The following ERC2 variants were observed in gnomAD, a reference collection of about 807,000 sequenced individuals.
ERC2 encodes the protein ELKS/RAB6-interacting/CAST family member 2, also known as ERC protein 2.
In ERC2, 42 loss-of-function variants were observed where a neutral mutation model predicts 114.8. The ratio of observed to expected loss-of-function variants is 0.37; its 90% CI spans 0.29 to 0.47. The LOEUF (loss-of-function observed/expected upper bound fraction) is 0.47. Among genes scored for constraint, ERC2 ranks in the 20% least tolerant of loss-of-function variants. ERC2 has a pLI of 0.99. For synonymous variants in ERC2, 454 were observed against 425.5 expected, an observed-to-expected ratio of 1.07 and a Z score of -0.82; for missense variants, 939 against 1,150.7, an observed-to-expected ratio of 0.82 and a Z score of 2.66.
chr3:56,449,867 A>C (rs528641023), intron 1 of ERC2, among the ~76,000 whole-genome samples: 1 of 152,362 alleles, frequency 6.6e-6, no homozygotes, highest in South Asian at 2.1e-4. Flanking sequence ...TTCAGCCTCA[A>C]AGTTGCCATA....
chr3:56,144,175 T>C (rs1029961366), intron 5 of ERC2, among the ~76,000 whole-genome samples: 4 of 152,264 alleles, frequency 2.6e-5, no homozygotes, highest in Non-Finnish European at 4.4e-5. Context: ...TGCTCAGATA[T>C]GTGCAGTTTC....
intron 14 of ERC2, among the ~76,000 whole-genome samples, chr3:55,841,606 C>T (rs1376077145): frequency 1.3e-5 from 2 of 151,674 alleles, no homozygotes; most frequent in Non-Finnish European, 2.9e-5. Context: ...GTTCTAGGTG[C>T]CATACTAAAT....
chr3:55,874,963 T>A (rs930946504), intron 14 of ERC2, among the ~76,000 whole-genome samples: 5 of 152,074 alleles, frequency 3.3e-5, no homozygotes, highest in South Asian at 2.1e-4. Flanking sequence ...ATCCTCTAGA[T>A]TTTTTTCTCT....
At chr3:56,013,597 T>A (rs2073107541) in intron 8 of ERC2, among the ~76,000 whole-genome samples, 1 of 152,196 alleles carries the variant, frequency 6.6e-6, no homozygotes, top group Non-Finnish European at 1.5e-5. Flanking sequence ...GCATGTGCCA[T>A]GATTAATTAA....
At chr3:55,712,866 TG>T (rs1466292067) in intron 15 of ERC2, among the ~76,000 whole-genome samples, 2 of 152,184 alleles carry the variant, frequency 1.3e-5, no homozygotes, top group Non-Finnish European at 2.9e-5. Flanking sequence ...GTCCTCTCTC[TG>T]TACCCCATTG....
chr3:56,232,078 C>T (rs2050659044), intron 3 of ERC2, among the ~76,000 whole-genome samples: 1 of 151,232 alleles, frequency 6.6e-6, no homozygotes, highest in African/African-American at 2.4e-5. Flanking sequence ...ATAATTGATC[C>T]TCCTGCCTCA....
chr3:56,032,169 C>T (rs1271125621), intron 7 of ERC2, among the ~76,000 whole-genome samples: 1 of 152,228 alleles, frequency 6.6e-6, no homozygotes, highest in African/African-American at 2.4e-5. Context: ...CATGCTGACA[C>T]CAGCATCATG....
intron 14 of ERC2, among the ~76,000 whole-genome samples, chr3:55,742,057 G>C (rs923715453): frequency 6.7e-6 from 1 of 149,148 alleles, no homozygotes; most frequent in Non-Finnish European, 1.5e-5. Context: ...TCAAGATACA[G>C]CTAATAAAAC....
intron 6 of ERC2, among the ~76,000 whole-genome samples, chr3:56,127,787 C>A (rs2149878546): frequency 6.7e-6 from 1 of 148,338 alleles, no homozygotes; most frequent in African/African-American, 2.5e-5. Flanking sequence ...TCCAGTGGAA[C>A]AAAACAGAGA....
intron 14 of ERC2, among the ~76,000 whole-genome samples, chr3:55,747,067 A>G (rs1379457732): frequency 6.6e-6 from 1 of 152,168 alleles, no homozygotes; most frequent in African/African-American, 2.4e-5. Flanking sequence ...CTAATAATCT[A>G]TATTCAGAAA....
chr3:56,223,465 G>C (rs1300568017), intron 3 of ERC2, among the ~76,000 whole-genome samples: 2 of 144,002 alleles, frequency 1.4e-5, no homozygotes, highest in African/African-American at 5.2e-5. Context: ...CAAATGCAGA[G>C]AGGATGAATT....
chr3:55,522,967 T>C (rs570881988), intron 17 of ERC2, among the ~76,000 whole-genome samples: 1 of 152,360 alleles, frequency 6.6e-6, no homozygotes, highest in South Asian at 2.1e-4. Context: ...GTTTTCATAA[T>C]ATGTGAACTG....
chr3:56,025,770 C>A (rs1485266113), intron 7 of ERC2, among the ~76,000 whole-genome samples: 5 of 152,146 alleles, frequency 3.3e-5, no homozygotes. Flanking sequence ...TAAAATGTAA[C>A]CTAAGCATAG....
At chr3:56,192,177 T>C (rs2047830641) in intron 3 of ERC2, among the ~76,000 whole-genome samples, 1 of 152,200 alleles carries the variant, frequency 6.6e-6, no homozygotes, top group Non-Finnish European at 1.5e-5. Flanking sequence ...TATAGTTATG[T>C]CTCCCACAGG....
In ERC2 at chr3:56,204,922, C is replaced by CTGTGTGTGTGTG. The variant is rs58831473; in HGVS notation, c.1075-31414_1075-31403dup. 2.6e-3 allele frequency among the ~76,000 whole-genome samples: 387 copies of CTGTGTGTGTGTG among 150,026 alleles called. 1 individual carries two copies. Among genetic ancestry groups the CTGTGTGTGTGTG allele is most frequent in the African/African-American group, 9.1e-3 (373 of 40,776 alleles). Reference sequence around the variant, plus strand: ...TTTTTTTTTTAACCATGGGACGTGTCTGTGTGTGTGTGTGTGTGTGTGTGT... The same window carrying CTGTGTGTGTGTG: ...TTTTTTTTTTAACCATGGGACGTGTCTGTGTGTGTGTGTGTGTGTGTGTGTGTGTGTGTGTGT... On this transcript the variant is annotated intron_variant, in intron 3 of 17. Transcript: ENST00000288221.
At chr3:55,890,214 C>T (rs750688223) in intron 13 of ERC2, among the ~76,000 whole-genome samples, 26 of 152,046 alleles carry the variant, frequency 1.7e-4, no homozygotes, top group Non-Finnish European at 2.1e-4. Context: ...CAATATGTGA[C>T]GAAGTTAAAG....
intron 6 of ERC2, among the ~76,000 whole-genome samples, chr3:56,099,818 C>G (rs973423534): frequency 6.6e-6 from 1 of 152,188 alleles, no homozygotes; most frequent in South Asian, 2.1e-4. Flanking sequence ...GAGGTCTAAA[C>G]TCCCTTTCAT....
At chr3:55,685,887 C>A (rs1248447698) in intron 16 of ERC2, among the ~76,000 whole-genome samples, 2 of 152,098 alleles carry the variant, frequency 1.3e-5, no homozygotes, top group Non-Finnish European at 2.9e-5. Flanking sequence ...TAAAACCCAA[C>A]ATATATACAT....
intron 7 of ERC2, among the ~76,000 whole-genome samples, chr3:56,060,037 T>C (rs1322348669): frequency 6.6e-6 from 1 of 152,238 alleles, no homozygotes. Flanking sequence ...AGCTGACTAA[T>C]GAGTTAAGTA....
Sources: gnomAD v4.1 joint callset for allele counts (sites outside exome capture counted in the v4.1 genomes callset) on GRCh38, gnomAD v4.1.1 for gene constraint, MANE v1.5 for transcripts, NCBI Gene and HGNC (gene_info 2026-07-23, HGNC 2026-07-21) for gene names.